The following RBFOX1 variants were observed in gnomAD, a reference collection of about 807,000 sequenced individuals.
The protein encoded by RBFOX1 is RNA binding fox-1 homolog 1, also known as RNA binding protein fox-1 homolog 1.
In RBFOX1, 8 loss-of-function variants were observed where a neutral mutation model predicts 57.7. The observed-to-expected ratio is 0.14, with a 90% CI of 0.08 to 0.25. The LOEUF is 0.25. Among genes scored for constraint, RBFOX1 ranks in the 10% least tolerant of loss-of-function variants. The pLI, the probability that RBFOX1 is intolerant of heterozygous loss-of-function variation, is 1.00. For synonymous variants in RBFOX1, 326 were observed against 222.4 expected (o/e 1.47, Z -4.15); for missense variants, 611 against 548.5 (o/e 1.11, Z -1.14).
intron 1 of RBFOX1, among the ~76,000 whole-genome samples, chr16:5,317,088 C>G (rs1430853116): frequency 6.6e-6 from 1 of 152,162 alleles, no homozygotes; most frequent in East Asian, 1.9e-4. Flanking sequence ...TGGACTTGGA[C>G]TGAGCCACAC....
intron 2 of RBFOX1, among the ~76,000 whole-genome samples, chr16:5,574,872 C>T (rs761699605): frequency 1.3e-5 from 2 of 152,094 alleles, no homozygotes; most frequent in African/African-American, 2.4e-5. Flanking sequence ...GTTCTATAAC[C>T]CAGGTAAGTT....
At chr16:5,589,692 T>C (rs563121557) in intron 2 of RBFOX1, among the ~76,000 whole-genome samples, 2 of 152,342 alleles carry the variant, frequency 1.3e-5, no homozygotes, top group Admixed American at 1.3e-4. Flanking sequence ...TGAAGCATTC[T>C]GTAAGGTTAC....
intron 3 of RBFOX1, among the ~76,000 whole-genome samples, chr16:6,829,037 G>C (rs572885941): frequency 1.3e-5 from 2 of 151,964 alleles, no homozygotes; most frequent in African/African-American, 4.8e-5. Context: ...TTCTTGAGAC[G>C]GTGTCAAGAG....
chr16:6,298,895 A>C (rs554024333), intron 1 of RBFOX1, among the ~76,000 whole-genome samples: 2 of 152,322 alleles, frequency 1.3e-5, no homozygotes, highest in South Asian at 4.1e-4. Context: ...ATGATCTGAC[A>C]TTCCTCATGT....
At chr16:5,790,236 G>C (rs536977408) in intron 3 of RBFOX1, among the ~76,000 whole-genome samples, 22 of 152,326 alleles carry the variant, frequency 1.4e-4, no homozygotes, top group African/African-American at 5.3e-4. Context: ...CAGTTCCATG[G>C]CCATGCCTTG....
chr16:7,525,025 C>T (rs2152304162), intron 5 of RBFOX1, among the ~76,000 whole-genome samples: 1 of 152,308 alleles, frequency 6.6e-6, no homozygotes, highest in East Asian at 1.9e-4. Context: ...AATTCTTAGT[C>T]TCTGTGCCAG....
intron 3 of RBFOX1, among the ~76,000 whole-genome samples, chr16:6,982,854 A>G (rs532931673): frequency 6.6e-6 from 1 of 152,080 alleles, no homozygotes; most frequent in East Asian, 1.9e-4. Flanking sequence ...TTAGCTGGGC[A>G]TGGTGGCGGA....
intron 1 of RBFOX1, among the ~76,000 whole-genome samples, chr16:6,140,705 C>T (rs2096709154): frequency 2.0e-5 from 3 of 152,204 alleles, no homozygotes; most frequent in Non-Finnish European, 2.9e-5. Context: ...AGGATAGAGT[C>T]AATCCCATTC....
intron 4 of RBFOX1, among the ~76,000 whole-genome samples, chr16:7,478,159 A>C (rs763795170): frequency 2.0e-5 from 3 of 152,214 alleles, no homozygotes; most frequent in Non-Finnish European, 2.9e-5. Context: ...GCATCTGTAA[A>C]AGAAAGTTTT....
intron 1 of RBFOX1, among the ~76,000 whole-genome samples, chr16:5,462,013 C>G (rs902967495): frequency 6.6e-6 from 1 of 152,150 alleles, no homozygotes; most frequent in African/African-American, 2.4e-5. Context: ...GCACCAATTT[C>G]CACTCCCACC....
At chr16:5,588,404 C>T (rs538146266) in intron 2 of RBFOX1, among the ~76,000 whole-genome samples, 1 of 150,298 alleles carries the variant, frequency 6.7e-6, no homozygotes, top group East Asian at 1.9e-4. Context: ...GGCACAGAGG[C>T]CGAGTCCCCT....
intron 3 of RBFOX1, among the ~76,000 whole-genome samples, chr16:5,836,739 C>A (rs1262306224): frequency 6.6e-6 from 1 of 152,172 alleles, no homozygotes; most frequent in East Asian, 1.9e-4. Context: ...CCACTAGATG[C>A]CATTAGCATC....
At chr16:5,959,977 G>T (rs1001143252) in intron 4 of RBFOX1, among the ~76,000 whole-genome samples, 1 of 152,162 alleles carries the variant, frequency 6.6e-6, no homozygotes, top group Non-Finnish European at 1.5e-5. Context: ...GAGGCGGGGG[G>T]ATCACCTGAG....
chr16:7,685,512 A>C, intron 14 of RBFOX1, among the ~76,000 whole-genome samples: 1 of 152,216 alleles, frequency 6.6e-6, no homozygotes, highest in South Asian at 2.1e-4. Context: ...ACTGACCCTC[A>C]GTTTTTTCCT....
chr16:6,696,790 G>C (rs970791073), intron 3 of RBFOX1, among the ~76,000 whole-genome samples: 11 of 151,826 alleles, frequency 7.2e-5, no homozygotes, highest in Non-Finnish European at 1.6e-4. Context: ...TAGTTTTGTA[G>C]AAAAAAAGAG....
chr16:7,208,553 C>T (rs980139674), intron 4 of RBFOX1, among the ~76,000 whole-genome samples: 4 of 152,102 alleles, frequency 2.6e-5, no homozygotes, highest in African/African-American at 9.7e-5. Flanking sequence ...AACCTGTTCT[C>T]TGCTGGGTGC....
At chr16:7,400,013 T>C (rs907577045) in intron 4 of RBFOX1, among the ~76,000 whole-genome samples, 17 of 152,196 alleles carry the variant, frequency 1.1e-4, no homozygotes, top group African/African-American at 4.1e-4. Context: ...TTAACAATTA[T>C]ATGAGGTAGG....
chr16:5,313,244 T>G (rs2064140103), intron 1 of RBFOX1, among the ~76,000 whole-genome samples: 1 of 152,120 alleles, frequency 6.6e-6, no homozygotes, highest in Non-Finnish European at 1.5e-5. Context: ...CCTTAGGACC[T>G]CTAATTCCCC....
chr16:5,721,369 G>A (rs1279874519), intron 3 of RBFOX1, among the ~76,000 whole-genome samples: 2 of 152,116 alleles, frequency 1.3e-5, no homozygotes, highest in African/African-American at 2.4e-5. Context: ...ATGTGGGTGC[G>A]GATTAGTTGG....
Sources: allele counts gnomAD v4.1 joint callset (sites outside exome capture counted in the v4.1 genomes callset), GRCh38; gene constraint gnomAD v4.1.1; transcripts MANE v1.5; gene names NCBI Gene and HGNC (gene_info 2026-07-23, HGNC 2026-07-21).